TMPRSS9: variants seen among roughly 807,000 people sequenced by gnomAD.
TMPRSS9 encodes transmembrane protease serine 9.
A neutral mutation model predicts 111.4 loss-of-function variants in TMPRSS9; 113 were observed. The ratio of observed to expected loss-of-function variants is 1.01; its 90% confidence interval spans 0.87 to 1.19. TMPRSS9 has a LOEUF of 1.19. Ranked by LOEUF, TMPRSS9 falls within the 50% of genes most tolerant of loss-of-function variation. The pLI is 0.00. For missense variants in TMPRSS9, 1,803 were observed against 1,513.1 expected (o/e 1.19, Z -3.18); for synonymous variants, 805 against 659.1 (o/e 1.22, Z -3.39).
chr19:2,372,240 G>A (rs4807244), intron 1 of TMPRSS9, among the ~76,000 whole-genome samples: 26,837 of 151,878 alleles, frequency 0.18, 3,542 homozygotes, highest in African/African-American at 0.36. Flanking sequence ...TTCCTGTCAC[G>A]CAGGCGGGCG....
At chr19:2,391,694 A>G (rs1970600896) in intron 1 of TMPRSS9, among the ~76,000 whole-genome samples, 1 of 151,744 alleles carries the variant, frequency 6.6e-6, no homozygotes, top group African/African-American at 2.4e-5. Context: ...TGGGAAAAAC[A>G]GATAAATATA....
chr19:2,376,612 C>T (rs1420821445), intron 1 of TMPRSS9, among the ~76,000 whole-genome samples: 2 of 152,094 alleles, frequency 1.3e-5, no homozygotes, highest in African/African-American at 4.8e-5. Context: ...GGCATGTGCC[C>T]CCACGCCCGG....
At chr19:2,389,201 G>A (rs1970535043), upstream of TMPRSS9, among the ~76,000 whole-genome samples, 1 of 149,856 alleles carries the variant, frequency 6.7e-6, no homozygotes, top group South Asian at 2.1e-4. Context: ...AGCCTCCCGA[G>A]TAGCTGGGAT....
chr19:2,410,658 C>A (rs947949643), intron 9 of TMPRSS9, among the ~76,000 whole-genome samples: 5 of 152,102 alleles, frequency 3.3e-5, no homozygotes, highest in Non-Finnish European at 7.4e-5. Flanking sequence ...TGACTTCAAT[C>A]CCTCCTCTGC....
intron 6 of TMPRSS9, 49 bp downstream of exon 7, chr19:2,403,244 G>A (rs373803929): frequency 2.7e-6 from 4 of 1,460,884 alleles, no homozygotes; most frequent in South Asian, 1.2e-5. Flanking sequence ...CCTTTTCCAG[G>A]GTCAGCTGCT....
intron 1 of TMPRSS9, among the ~76,000 whole-genome samples, chr19:2,384,675 C>G (rs1401403014): frequency 6.6e-6 from 1 of 151,876 alleles, no homozygotes; most frequent in African/African-American, 2.4e-5. Flanking sequence ...ATTAGCCAGG[C>G]GTGGTGGCGG....
intron 8 of TMPRSS9, 112 bp downstream of exon 9, chr19:2,408,742 C>T (rs1380947666): frequency 9.3e-6 from 13 of 1,394,006 alleles, no homozygotes; most frequent in Admixed American, 2.2e-5. Context: ...TTTGGGAGGC[C>T]GAGGCGGGTG....
chr19:2,379,631 T>TTCTTTCTA (rs1555676550), intron 1 of TMPRSS9, among the ~76,000 whole-genome samples: 25 of 144,158 alleles, frequency 1.7e-4, no homozygotes, highest in African/African-American at 6.4e-4. Flanking sequence ...CTTTCTTTCT[T>TTCTTTCTA]TCTTTCTTTC....
intron 13 of TMPRSS9, among the ~76,000 whole-genome samples, chr19:2,419,461 C>T (rs1191374624): frequency 6.6e-6 from 1 of 151,410 alleles, no homozygotes; most frequent in Non-Finnish European, 1.5e-5. Flanking sequence ...CTGGGCCTCC[C>T]AAAGTGCTAG....
chr19:2,422,452 G>T (rs1313014441), intron 14 of TMPRSS9, among the ~76,000 whole-genome samples: 2 of 151,982 alleles, frequency 1.3e-5, no homozygotes, highest in Non-Finnish European at 2.9e-5. Flanking sequence ...GTGGTGGTGG[G>T]CGCCTGTAGT....
chr19:2,385,262 C>G (rs1017287008), upstream of TMPRSS9, among the ~76,000 whole-genome samples: 3 of 151,632 alleles, frequency 2.0e-5, no homozygotes, highest in African/African-American at 7.3e-5. Flanking sequence ...GAGGAGGGAT[C>G]CCAGTGCTCC....
chr19:2,402,238 T>C (rs1296270279), intron 5 of TMPRSS9, among the ~76,000 whole-genome samples: 1 of 149,500 alleles, frequency 6.7e-6, no homozygotes, highest in Non-Finnish European at 1.5e-5. Context: ...ACAAAAATAA[T>C]AATAAAAAAA....
intron 14 of TMPRSS9, among the ~76,000 whole-genome samples, chr19:2,423,698 G>T (rs991343462): frequency 5.3e-5 from 8 of 152,238 alleles, no homozygotes; most frequent in Admixed American, 2.0e-4. Flanking sequence ...GGGCTTGGAG[G>T]TGATCAGGGA....
chr19:2,408,990 A>AAATT (rs1971034179), intron 8 of TMPRSS9, among the ~76,000 whole-genome samples: 1 of 125,008 alleles, frequency 8.0e-6, no homozygotes, highest in East Asian at 2.3e-4. Flanking sequence ...CTCCATCTCA[A>AAATT]AATAATAATA....
chr19:2,370,578 C>T (rs1157792696), intron 1 of TMPRSS9, among the ~76,000 whole-genome samples: 1 of 152,142 alleles, frequency 6.6e-6, no homozygotes, highest in Non-Finnish European at 1.5e-5. Context: ...ATCCTCCCTC[C>T]TTGGCCTCCC....
upstream of TMPRSS9, among the ~76,000 whole-genome samples, chr19:2,387,022 A>C (rs1970491095): frequency 6.6e-6 from 1 of 151,688 alleles, no homozygotes; most frequent in African/African-American, 2.4e-5. Context: ...GGAGTTCAAA[A>C]CCAGCCTGGG....
At chr19:2,412,856 T>G (rs1971125163) in intron 9 of TMPRSS9, among the ~76,000 whole-genome samples, 1 of 152,054 alleles carries the variant, frequency 6.6e-6, no homozygotes, top group South Asian at 2.1e-4. Flanking sequence ...GAAACCAGAA[T>G]CTGGAGAAAA....
intron 1 of TMPRSS9, among the ~76,000 whole-genome samples, chr19:2,381,823 TATTCATTCATTC>T (rs111934318): frequency 8.5e-5 from 11 of 129,804 alleles, no homozygotes; most frequent in African/African-American, 3.1e-4. Context: ...TTCAGATATG[TATTCATTCATTC>T]ATTCATTCAT....
rs933812824 is a variant in TMPRSS9 at position 2,366,628 on chromosome 19, A to C, written c.-26+6268A>C. Among the ~76,000 whole-genome samples, 40 of 150,970 alleles carry C rather than the reference A, an allele frequency of 2.6e-4. 1 individual carries two copies. Among genetic ancestry groups the C allele is most frequent in the African/African-American group, 8.3e-4 (34 of 41,124 alleles). On this transcript the variant is annotated intron_variant, in intron 1 of 17. Transcript: ENST00000649857. Reference sequence around the variant, plus strand: ...ATCCCAGCACTTTGGGAGGCTGAGGAGGGCAGATCACAAGGTCAGGAGATC... The same window carrying C: ...ATCCCAGCACTTTGGGAGGCTGAGGCGGGCAGATCACAAGGTCAGGAGATC...
Sources: allele counts gnomAD v4.1 joint callset (sites outside exome capture counted in the v4.1 genomes callset), GRCh38; gene constraint gnomAD v4.1.1; transcripts MANE v1.5; gene names NCBI Gene and HGNC (gene_info 2026-07-23, HGNC 2026-07-21).